The following ENPP6 variants were observed in gnomAD, a reference collection of about 807,000 sequenced individuals.
ENPP6 encodes the protein ectonucleotide pyrophosphatase/phosphodiesterase 6.
ENPP6 carries 32 observed loss-of-function variants against 42.0 expected under a neutral mutation model. The ratio of observed to expected loss-of-function variants is 0.76; its 90% CI spans 0.58 to 1.02. The LOEUF (loss-of-function observed/expected upper bound fraction) is 1.02. Among genes scored for constraint, ENPP6 ranks in the 50% least tolerant of loss-of-function variants. The pLI, the probability that ENPP6 is intolerant of heterozygous loss-of-function variation, is 0.00. For synonymous variants in ENPP6, 213 were observed against 216.0 expected (o/e 0.99, Z 0.12); for missense variants, 552 against 566.8 (o/e 0.97, Z 0.27).
intron 2 of ENPP6, among the ~76,000 whole-genome samples, chr4:184,151,794 T>G (rs1159820053): frequency 6.6e-6 from 1 of 152,186 alleles, no homozygotes; most frequent in Admixed American, 6.5e-5. Context: ...CTCATCACAC[T>G]TGCTAGAAGA....
At chr4:184,120,938 A>G (rs562778086) in intron 3 of ENPP6, among the ~76,000 whole-genome samples, 2 of 152,328 alleles carry the variant, frequency 1.3e-5, no homozygotes, top group South Asian at 4.1e-4. Flanking sequence ...CGTGTCCCCA[A>G]GGCAGGAGGC....
chr4:184,170,019 AC>A (rs1274813247), intron 1 of ENPP6, among the ~76,000 whole-genome samples: 1 of 152,066 alleles, frequency 6.6e-6, no homozygotes, highest in Non-Finnish European at 1.5e-5. Context: ...AAAAAAACAT[AC>A]TCTTGTTATC....
Position 184,090,724 on chromosome 4 carries a change from C to A in ENPP6, c.*453G>T. 1 of 316,456 alleles carries A rather than the reference C, an allele frequency of 3.2e-6. No individual in the cohort carries two copies. Among genetic ancestry groups the A allele is most frequent in the East Asian group, 4.7e-5 (1 of 21,344 alleles). 19.6% of individuals were successfully genotyped at this position (316,456 alleles called of 1,614,324 possible). On this transcript the variant is annotated 3_prime_UTR_variant, in exon 8 of 8. Coordinates refer to ENST00000296741, the MANE Select transcript of ENPP6 (RefSeq NM_153343.4). ...TTTATCAGGGATGGAAGGAACAGTA[C>A]AGGATTGTGGCCACAGACACTGAGG...
chr4:184,145,648 A>G (rs1384714637), intron 2 of ENPP6, among the ~76,000 whole-genome samples: 2 of 152,236 alleles, frequency 1.3e-5, no homozygotes, highest in African/African-American at 4.8e-5. Flanking sequence ...TGGAATGAAC[A>G]CATCAGTGAA....
chr4:184,129,371 C>T lies in ENPP6; in HGVS notation c.422-5099G>A, dbSNP rs143379556. 5.3e-3 allele frequency among the ~76,000 whole-genome samples: 805 copies of T among 151,898 alleles called. 8 individuals carry two copies. Among genetic ancestry groups the T allele is most frequent in the Non-Finnish European group, 8.4e-3 (573 of 67,972 alleles). ...AAATTATAGGCAATGTACACAAATA[C>T]TTTCTTCTTCTATTCTGTTCTGTGT... On this transcript the variant is annotated intron_variant, in intron 2 of 7. Transcript: ENST00000296741.
chr4:184,118,032 C>T (rs1736354626), intron 3 of ENPP6, 132 bp from the exon 4 acceptor site: 2 of 1,157,382 alleles, frequency 1.7e-6, no homozygotes, highest in South Asian at 1.7e-5. Flanking sequence ...AAAGCCAATA[C>T]CCTAAAATAA....
At chr4:184,169,872 T>C (rs9637691) in intron 1 of ENPP6, among the ~76,000 whole-genome samples, 31,806 of 152,222 alleles carry the variant, frequency 0.21, 4,130 homozygotes, top group Admixed American at 0.37. Flanking sequence ...CAAAACAGTG[T>C]GATAACACGG....
At chr4:184,183,899 A>G (rs1467094613) in intron 1 of ENPP6, among the ~76,000 whole-genome samples, 1 of 152,224 alleles carries the variant, frequency 6.6e-6, no homozygotes, top group Non-Finnish European at 1.5e-5. Context: ...GGCAGAAGTG[A>G]AATGCACCAT....
At chr4:184,113,290 T>G (rs1296595430) in intron 5 of ENPP6, among the ~76,000 whole-genome samples, 1 of 152,184 alleles carries the variant, frequency 6.6e-6, no homozygotes, top group Non-Finnish European at 1.5e-5. Flanking sequence ...ACAGGCAAAA[T>G]TATTCCAATT....
At chr4:184,192,817 TCA>T (rs1732728392) in intron 1 of ENPP6, among the ~76,000 whole-genome samples, 1 of 152,232 alleles carries the variant, frequency 6.6e-6, no homozygotes, top group South Asian at 2.1e-4. Context: ...AAAGAAATTA[TCA>T]CACAGTCCAC....
chr4:184,147,204 T>G (rs1441606078), intron 2 of ENPP6, among the ~76,000 whole-genome samples: 1 of 152,098 alleles, frequency 6.6e-6, no homozygotes, highest in African/African-American at 2.4e-5. Context: ...AATCCCTTAC[T>G]CCCAAATCCA....
chr4:184,174,287 G>A (rs990254795), intron 1 of ENPP6, among the ~76,000 whole-genome samples: 3 of 151,882 alleles, frequency 2.0e-5, no homozygotes, highest in Non-Finnish European at 2.9e-5. Flanking sequence ...ACAGGTGCCC[G>A]CCACCACGCC....
chr4:184,145,799 A>G (rs531094038), intron 2 of ENPP6, among the ~76,000 whole-genome samples: 1 of 152,102 alleles, frequency 6.6e-6, no homozygotes, highest in Non-Finnish European at 1.5e-5. Context: ...CAGTTTGAAA[A>G]CCTCCGATAG....
chr4:184,143,769 C>T (rs1736870824), intron 2 of ENPP6, among the ~76,000 whole-genome samples: 1 of 152,282 alleles, frequency 6.6e-6, no homozygotes, highest in African/African-American at 2.4e-5. Flanking sequence ...CTGCGCGCCT[C>T]GCAGTGAGTG....
chr4:184,108,534 G>T (rs1736142222), intron 6 of ENPP6, among the ~76,000 whole-genome samples: 1 of 152,186 alleles, frequency 6.6e-6, no homozygotes, highest in Admixed American at 6.5e-5. Context: ...AAAGGAAGAA[G>T]TTTAAGCCAA....
chr4:184,128,387 G>T (rs1736539519), intron 2 of ENPP6, among the ~76,000 whole-genome samples: 1 of 151,992 alleles, frequency 6.6e-6, no homozygotes, highest in South Asian at 2.1e-4. Context: ...CACCATGATG[G>T]CCAGGCTGGT....
At chr4:184,105,777 C>T (rs1736078041) in intron 6 of ENPP6, among the ~76,000 whole-genome samples, 1 of 152,142 alleles carries the variant, frequency 6.6e-6, no homozygotes, top group African/African-American at 2.4e-5. Context: ...TTTCCAAAGT[C>T]TACGATGATC....
At chr4:184,104,763 A>G (rs1291421668) in intron 6 of ENPP6, among the ~76,000 whole-genome samples, 2 of 152,228 alleles carry the variant, frequency 1.3e-5, no homozygotes, top group Admixed American at 6.5e-5. Context: ...AACTGTCTCA[A>G]TATTTAATAA....
chr4:184,131,219 TTTC>T (rs1217768981), intron 2 of ENPP6, among the ~76,000 whole-genome samples: 1 of 82,324 alleles, frequency 1.2e-5, no homozygotes, highest in Non-Finnish European at 2.4e-5. Context: ...TTTCTTTCTT[TTTC>T]TTTCTTTCTT....
Sources: gnomAD v4.1 joint callset for allele counts (sites outside exome capture counted in the v4.1 genomes callset) on GRCh38, gnomAD v4.1.1 for gene constraint, MANE v1.5 for transcripts, NCBI Gene and HGNC (gene_info 2026-07-23, HGNC 2026-07-21) for gene names.